The following SETD5 variants were observed in gnomAD, a reference collection of about 807,000 sequenced individuals.
The protein encoded by SETD5 is SET domain containing 5, also known as histone-lysine N-methyltransferase SETD5.
SETD5 carries 44 observed loss-of-function variants against 153.3 expected under a neutral mutation model. The ratio of observed to expected loss-of-function variants is 0.29; its 90% CI spans 0.23 to 0.37. SETD5 has a LOEUF of 0.37. Among genes scored for constraint, SETD5 ranks in the 10% least tolerant of loss-of-function variants. The pLI, the probability that SETD5 is intolerant of heterozygous loss-of-function variation, is 1.00. For synonymous variants in SETD5, 716 were observed against 645.2 expected, an observed-to-expected ratio of 1.11 and a Z score of -1.66; for missense variants, 1,544 against 1,768.0, an observed-to-expected ratio of 0.87 and a Z score of 2.27.
intron 2 of SETD5, among the ~76,000 whole-genome samples, chr3:9,425,290 C>G (rs958403930): frequency 6.6e-6 from 1 of 151,850 alleles, no homozygotes; most frequent in African/African-American, 2.4e-5. Context: ...TCTTAAACTC[C>G]TGACCTCAGG....
intron 17 of SETD5, among the ~76,000 whole-genome samples, chr3:9,464,109 C>CA (rs1235114725): frequency 6.6e-6 from 1 of 152,122 alleles, no homozygotes; most frequent in Non-Finnish European, 1.5e-5. Flanking sequence ...GCCTTAGCGA[C>CA]AGAGCAAGGC....
At chr3:9,473,133 G>GT in intron 19 of SETD5, 103 bp from the exon 20 acceptor site, 2 of 1,383,576 alleles carry the variant, frequency 1.4e-6, no homozygotes, top group Non-Finnish European at 9.6e-7. Context: ...TTGGCTAGTG[G>GT]TTTACTAAGG....
chr3:9,457,260 G>T (rs754800075), intron 17 of SETD5, among the ~76,000 whole-genome samples: 1 of 152,048 alleles, frequency 6.6e-6, no homozygotes, highest in Non-Finnish European at 1.5e-5. Flanking sequence ...AGGCCGAGAT[G>T]GGTGGATCAC....
chr3:9,467,154 C>T (rs1352475035), intron 18 of SETD5, among the ~76,000 whole-genome samples: 1 of 140,770 alleles, frequency 7.1e-6, no homozygotes, highest in Non-Finnish European at 1.5e-5. Context: ...GACTGCGCCA[C>T]TGCATTCCAC....
intron 1 of SETD5, among the ~76,000 whole-genome samples, chr3:9,399,888 TTTGGG>T (rs1189929313): frequency 1.4e-5 from 2 of 145,186 alleles, no homozygotes; most frequent in Non-Finnish European, 3.1e-5. Context: ...AGGTTGTTCC[TTTGGG>T]TTGGATCACA....
chr3:9,456,480 T>TAAAAAAAA (rs369657820), intron 17 of SETD5, among the ~76,000 whole-genome samples: 2 of 121,784 alleles, frequency 1.6e-5, no homozygotes, highest in Non-Finnish European at 1.8e-5. Flanking sequence ...CTTTAAAACT[T>TAAAAAAAA]AAAAAAAAAA....
intron 2 of SETD5, among the ~76,000 whole-genome samples, chr3:9,425,055 C>CTTTTTTTTTTTTTT (rs778883904): frequency 4.9e-4 from 41 of 83,642 alleles, no homozygotes; most frequent in African/African-American, 1.8e-3. Flanking sequence ...GACAATGTTT[C>CTTTTTTTTTTTTTT]TTTTTTTTTT....
Position 9,424,893 on chromosome 3 carries a change from TAAG to T in SETD5, c.-117+371_-117+373del, listed in dbSNP as rs530932002. ...TTGGGATTATTAACAGAATTTGAAT[TAAG>T]AAGCCTCATCATTATTAAAGCATTA... On this transcript the variant is annotated intron_variant, in intron 2 of 22. Transcript: ENST00000402198. Among the ~76,000 whole-genome samples the T allele has an allele frequency of 5.4e-4, 82 of 152,132 alleles. 1 individual carries two copies. Among genetic ancestry groups the T allele is most frequent in the Non-Finnish European group, 5.1e-4 (35 of 68,026 alleles).
intron 14 of SETD5, 49 bp downstream of exon 14, chr3:9,447,356 T>G (rs372769865): frequency 1.2e-5 from 19 of 1,559,734 alleles, no homozygotes; most frequent in Middle Eastern, 1.7e-4. Flanking sequence ...CCTTTGCTAA[T>G]GTCAATACCT....
At chr3:9,413,649 G>GGGTGTGTGT (rs200761097) in intron 1 of SETD5, among the ~76,000 whole-genome samples, 1,629 of 140,428 alleles carry the variant, frequency 0.012, 14 homozygotes, top group Non-Finnish European at 0.018. Flanking sequence ...GGGGAGGCGG[G>GGGTGTGTGT]GTGTGTGTGT....
chr3:9,440,449 T>G lies in SETD5; in HGVS notation c.568-7T>G, dbSNP rs748132507. On this transcript the variant is annotated splice_region_variant and splice_polypyrimidine_tract_variant and intron_variant, in intron 7 of 22. Coordinates refer to ENST00000402198, the MANE Select transcript of SETD5 (RefSeq NM_001080517.3). ...TTTACTAACCTCCCTGAATTTGTTTTCTACAGAATTCTCCCTCTGAAGCAC... is the reference window on the plus strand; with the variant it reads ...TTTACTAACCTCCCTGAATTTGTTTGCTACAGAATTCTCCCTCTGAAGCAC... The G allele has an allele frequency of 6.8e-7, 1 of 1,459,994 alleles. No homozygotes were observed. Among genetic ancestry groups the G allele is most frequent in the African/African-American group, 1.4e-5 (1 of 71,800 alleles). 90.4% of individuals were successfully genotyped at this position (1,459,994 alleles called of 1,614,324 possible). A position where few individuals can be genotyped will look rare whatever the true frequency, so the allele number is the denominator to read the frequency against.
chr3:9,472,668 CTGTTT>C (rs950067604), intron 19 of SETD5, among the ~76,000 whole-genome samples: 3 of 151,836 alleles, frequency 2.0e-5, no homozygotes, highest in South Asian at 2.1e-4. Flanking sequence ...GGTTTTTCTT[CTGTTT>C]TGTTTTGTTT....
intron 11 of SETD5, among the ~76,000 whole-genome samples, chr3:9,443,673 T>A (rs960580654): frequency 6.6e-6 from 1 of 152,208 alleles, no homozygotes; most frequent in Admixed American, 6.5e-5. Flanking sequence ...TTAGCAAGAA[T>A]AGCAAAATGG....
intron 17 of SETD5, among the ~76,000 whole-genome samples, chr3:9,457,344 TG>T (rs916841641): frequency 2.6e-5 from 4 of 152,000 alleles, no homozygotes; most frequent in Admixed American, 2.6e-4. Flanking sequence ...AAAAATTAGC[TG>T]TGCGTGGTGG....
At chr3:9,453,681 G>A in intron 16 of SETD5, 58 bp from the exon 17 acceptor site, 1 of 1,482,850 alleles carries the variant, frequency 6.7e-7, no homozygotes, top group South Asian at 1.4e-5. Flanking sequence ...ATTTAAAACA[G>A]GTGCACTAAA....
At chr3:9,417,943 T>A (rs1486509358) in intron 1 of SETD5, among the ~76,000 whole-genome samples, 5 of 98,800 alleles carry the variant, frequency 5.1e-5, no homozygotes, top group Admixed American at 5.0e-4. Flanking sequence ...AAGAGTTTTG[T>A]TTTTTTTTTT....
chr3:9,398,899 A>T (rs771365143), intron 1 of SETD5, among the ~76,000 whole-genome samples: 19 of 152,142 alleles, frequency 1.2e-4, no homozygotes, highest in Non-Finnish European at 2.5e-4. Flanking sequence ...TTGGATATGG[A>T]TGCTGCAGTC....
intron 17 of SETD5, among the ~76,000 whole-genome samples, chr3:9,462,186 T>C (rs974595602): frequency 2.6e-5 from 4 of 152,334 alleles, no homozygotes; most frequent in Admixed American, 1.3e-4. Context: ...GACCATTGCT[T>C]CCAGATAATC....
chr3:9,444,492 A>C (rs558036585), intron 11 of SETD5, among the ~76,000 whole-genome samples: 5 of 152,318 alleles, frequency 3.3e-5, no homozygotes, highest in Admixed American at 6.5e-5. Flanking sequence ...CTGCCTGCTA[A>C]ATAGCCAATA....
Sources: allele counts gnomAD v4.1 joint callset (sites outside exome capture counted in the v4.1 genomes callset), GRCh38; gene constraint gnomAD v4.1.1; transcripts MANE v1.5; gene names NCBI Gene and HGNC (gene_info 2026-07-23, HGNC 2026-07-21).